Variants in FAM184B observed in about 807,000 individuals in gnomAD.
FAM184B encodes family with sequence similarity 184 member B, also known as protein FAM184B.
A neutral mutation model predicts 135.9 loss-of-function variants in FAM184B; 111 were observed. That is an observed-to-expected ratio of 0.82 (90% CI 0.70 to 0.96). The LOEUF is 0.96. Among genes scored for constraint, FAM184B ranks in the 40% least tolerant of loss-of-function variants. The pLI, the probability that FAM184B is intolerant of heterozygous loss-of-function variation, is 0.00. For synonymous variants in FAM184B, 552 were observed against 524.8 expected (o/e 1.05, Z -0.71); for missense variants, 1,375 against 1,323.9 (o/e 1.04, Z -0.60).
chr4:17,650,492 C>G (rs1322247768), intron 11 of FAM184B, among the ~76,000 whole-genome samples: 1 of 152,114 alleles, frequency 6.6e-6, no homozygotes, highest in Non-Finnish European at 1.5e-5. Context: ...TCTCCTGATT[C>G]TTTTCTTTGG....
chr4:17,745,682 T>C (rs897486415), intron 1 of FAM184B, among the ~76,000 whole-genome samples: 1 of 152,192 alleles, frequency 6.6e-6, no homozygotes, highest in Non-Finnish European at 1.5e-5. Flanking sequence ...TTTCTCCCAA[T>C]AAATCTCTTG....
chr4:17,685,268 G>C (rs1338656370), intron 7 of FAM184B, among the ~76,000 whole-genome samples: 2 of 148,864 alleles, frequency 1.3e-5, no homozygotes, highest in Non-Finnish European at 3.0e-5. Context: ...AGGCTGAGGA[G>C]GGCTGGGCAG....
At chr4:17,691,447 A>T (rs758919108) in intron 6 of FAM184B, among the ~76,000 whole-genome samples, 6 of 152,170 alleles carry the variant, frequency 3.9e-5, no homozygotes, top group Non-Finnish European at 8.8e-5. Flanking sequence ...GCACTTCGGG[A>T]GGCAGAGATG....
intron 1 of FAM184B, among the ~76,000 whole-genome samples, chr4:17,761,889 A>C (rs1161322600): frequency 6.6e-6 from 1 of 151,464 alleles, no homozygotes; most frequent in Non-Finnish European, 1.5e-5. Flanking sequence ...ACTAGTCAAT[A>C]CTCTCCCTCT....
At chr4:17,649,908 CCATCCATT>C (rs1949478487) in intron 11 of FAM184B, among the ~76,000 whole-genome samples, 1 of 151,874 alleles carries the variant, frequency 6.6e-6, no homozygotes, top group African/African-American at 2.4e-5. Context: ...ACCCATCTGT[CCATCCATT>C]CATCCATCCA....
chr4:17,739,537 C>A (rs1287911651), intron 1 of FAM184B, among the ~76,000 whole-genome samples: 1 of 136,446 alleles, frequency 7.3e-6, no homozygotes, highest in Non-Finnish European at 1.5e-5. Flanking sequence ...GCTCCCTACA[C>A]CATATGTCAT....
chr4:17,651,905 T>G (rs1235931070), intron 11 of FAM184B, among the ~76,000 whole-genome samples: 1 of 152,136 alleles, frequency 6.6e-6, no homozygotes, highest in South Asian at 2.1e-4. Context: ...AGTTTTGTGC[T>G]GGGGATGATG....
At chr4:17,707,399 A>G (rs1459319636) in intron 3 of FAM184B, among the ~76,000 whole-genome samples, 1 of 152,176 alleles carries the variant, frequency 6.6e-6, no homozygotes, top group Non-Finnish European at 1.5e-5. Context: ...GTGGGGAAAT[A>G]TCTGGGGGCA....
At chr4:17,636,711 G>C (rs1427283183) in intron 14 of FAM184B, 66 bp from the exon 15 acceptor site, 4 of 1,296,190 alleles carry the variant, frequency 3.1e-6, no homozygotes, top group African/African-American at 1.5e-5. Flanking sequence ...GGGAGAACAA[G>C]TGCACACGAT....
intron 1 of FAM184B, among the ~76,000 whole-genome samples, chr4:17,741,693 A>AAAAAC (rs1358017714): frequency 6.6e-6 from 1 of 152,200 alleles, no homozygotes; most frequent in East Asian, 1.9e-4. Flanking sequence ...ACTCCATCTC[A>AAAAAC]AAAACAAAAC....
At chr4:17,734,108 T>C (rs2108979552) in intron 1 of FAM184B, among the ~76,000 whole-genome samples, 2 of 152,322 alleles carry the variant, frequency 1.3e-5, no homozygotes, top group Admixed American at 1.3e-4. Flanking sequence ...TAAATGGTGC[T>C]GGGAAAACTG....
At chr4:17,766,121 C>A (rs781445241) in intron 1 of FAM184B, among the ~76,000 whole-genome samples, 1 of 152,188 alleles carries the variant, frequency 6.6e-6, no homozygotes, top group Non-Finnish European at 1.5e-5. Context: ...GGGAAGGTAA[C>A]CTAACCAGGT....
At chr4:17,656,525 C>T (rs1715782078) in intron 10 of FAM184B, among the ~76,000 whole-genome samples, 2 of 152,160 alleles carry the variant, frequency 1.3e-5, no homozygotes, top group Admixed American at 1.3e-4. Flanking sequence ...CCTCAGCCTC[C>T]TGAGTAGCTG....
At chr4:17,724,957 C>T (rs1343172328) in intron 1 of FAM184B, among the ~76,000 whole-genome samples, 1 of 152,160 alleles carries the variant, frequency 6.6e-6, no homozygotes, top group East Asian at 1.9e-4. Context: ...TTGCTTAATA[C>T]TCCATGGATG....
At chr4:17,771,688 G>T (rs1214666679) in intron 1 of FAM184B, among the ~76,000 whole-genome samples, 1 of 152,124 alleles carries the variant, frequency 6.6e-6, no homozygotes, top group Non-Finnish European at 1.5e-5. Flanking sequence ...TGTTGCTGAG[G>T]ACTCTCATGG....
chr4:17,640,219 T>A (rs1715267896), intron 13 of FAM184B, among the ~76,000 whole-genome samples: 1 of 147,534 alleles, frequency 6.8e-6, no homozygotes, highest in Non-Finnish European at 1.5e-5. Context: ...ACATCTGTAA[T>A]CCCAGCACTT....
At chr4:17,648,428 C>G (rs555022320) in intron 11 of FAM184B, among the ~76,000 whole-genome samples, 1 of 151,928 alleles carries the variant, frequency 6.6e-6, no homozygotes, top group South Asian at 2.1e-4. Context: ...CTCACTGCAG[C>G]CTCCACCTCC....
At chr4:17,650,078 G>A (rs77825734) in intron 11 of FAM184B, among the ~76,000 whole-genome samples, 3 of 149,214 alleles carry the variant, frequency 2.0e-5, no homozygotes, top group East Asian at 2.0e-4. Context: ...TTGTCTGTCT[G>A]TCCATCCATC....
chr4:17,649,064 C>T (rs1031618937), intron 11 of FAM184B, among the ~76,000 whole-genome samples: 4 of 152,032 alleles, frequency 2.6e-5, no homozygotes, highest in African/African-American at 7.2e-5. Flanking sequence ...TGAAAATAAC[C>T]TTTGAAACAT....
Sources: allele counts gnomAD v4.1 joint callset (sites outside exome capture counted in the v4.1 genomes callset), GRCh38; gene constraint gnomAD v4.1.1; transcripts MANE v1.5; gene names NCBI Gene and HGNC (gene_info 2026-07-23, HGNC 2026-07-21).